Variants in ADAMTS20 observed in about 807,000 individuals in gnomAD.
The protein encoded by ADAMTS20 is A disintegrin and metalloproteinase with thrombospondin motifs 20.
Under a neutral mutation model 260.1 loss-of-function variants are expected in ADAMTS20, and 225 were observed. The ratio of observed to expected loss-of-function variants is 0.87; its 90% confidence interval spans 0.78 to 0.97. The LOEUF is 0.97. Ranked by LOEUF, ADAMTS20 falls within the 50% of genes least tolerant of loss-of-function variation. The pLI is 0.00. For missense variants in ADAMTS20, 2,400 were observed against 2,337.7 expected, an observed-to-expected ratio of 1.03 and a Z score of -0.55; for synonymous variants, 802 against 769.5, an observed-to-expected ratio of 1.04 and a Z score of -0.70.
Position 43,428,533 on chromosome 12 carries a change from T to A in ADAMTS20, c.3655-2A>T. The A allele has an allele frequency of 6.2e-7, 1 of 1,606,552 alleles. No individual in the cohort carries two copies. Among genetic ancestry groups the A allele is most frequent in the Non-Finnish European group, 8.5e-7 (1 of 1,175,800 alleles). On this transcript the variant is annotated splice_acceptor_variant, in intron 25 of 38. Transcript: ENST00000389420. LOFTEE classifies it high-confidence loss of function. ...TCCATGGCCACAGGAAGCTGAACAC[T>A]GATCAAAAATTTAGCCAATGGTAAT...
intron 3 of ADAMTS20, among the ~76,000 whole-genome samples, chr12:43,509,879 A>T (rs898633464): frequency 6.6e-6 from 1 of 152,180 alleles, no homozygotes; most frequent in African/African-American, 2.4e-5. Flanking sequence ...ATCATATAAA[A>T]TTGTTTTGGT....
At chr12:43,440,686 G>C (rs1941645888) in intron 16 of ADAMTS20, among the ~76,000 whole-genome samples, 1 of 152,182 alleles carries the variant, frequency 6.6e-6, no homozygotes, top group African/African-American at 2.4e-5. Flanking sequence ...GCAGAAAGAA[G>C]TCATGACCCC....
intron 11 of ADAMTS20, among the ~76,000 whole-genome samples, chr12:43,459,335 C>G (rs1340959611): frequency 6.6e-6 from 1 of 152,192 alleles, no homozygotes; most frequent in Non-Finnish European, 1.5e-5. Flanking sequence ...TGGGTTCATC[C>G]TAATCAGGCT....
intron 3 of ADAMTS20, among the ~76,000 whole-genome samples, chr12:43,524,476 A>G (rs553766585): frequency 6.6e-6 from 1 of 152,302 alleles, no homozygotes; most frequent in East Asian, 1.9e-4. Flanking sequence ...AAAAGAACAC[A>G]CTAACGGTCC....
chr12:43,466,882 A>G (rs1170957145), intron 8 of ADAMTS20, 87 bp from the exon 9 acceptor site: 24 of 935,504 alleles, frequency 2.6e-5, no homozygotes, highest in Non-Finnish European at 3.7e-5. Flanking sequence ...ATTATAATAC[A>G]ATATAAAATA....
chr12:43,441,408 C>T (rs1253790250), intron 16 of ADAMTS20, among the ~76,000 whole-genome samples: 1 of 151,488 alleles, frequency 6.6e-6, no homozygotes, highest in Non-Finnish European at 1.5e-5. Context: ...TACATGTCAC[C>T]CAAAATCATG....
chr12:43,483,325 G>A (rs1462503685), intron 7 of ADAMTS20, among the ~76,000 whole-genome samples: 3 of 152,282 alleles, frequency 2.0e-5, no homozygotes, highest in Non-Finnish European at 2.9e-5. Context: ...CACCCTGTGG[G>A]ACAAAAGAAA....
rs373760471 is a variant in ADAMTS20, at chr12:43,354,308, G to A, written c.5644-10C>T. The A allele has an allele frequency of 1.9e-5, 29 of 1,566,756 alleles. No individual in the cohort carries two copies. The highest frequency in any genetic ancestry group is 6.8e-5 in the African/African-American group (5 of 73,934). On this transcript the variant is annotated splice_polypyrimidine_tract_variant and intron_variant, in intron 38 of 38. Coordinates refer to ENST00000389420, the MANE Select transcript of ADAMTS20 (RefSeq NM_025003.5). ...AAAATCTAGTTCCATCCTGAAAATC[G>A]GAAGAAGAAATACAGAAGAATCTTA...
chr12:43,371,564 C>G (rs1940107486), intron 36 of ADAMTS20, among the ~76,000 whole-genome samples: 1 of 152,052 alleles, frequency 6.6e-6, no homozygotes, highest in African/African-American at 2.4e-5. Flanking sequence ...TCTGGATGGT[C>G]TTATTTAGAA....
intron 3 of ADAMTS20, among the ~76,000 whole-genome samples, chr12:43,518,817 GAAAAAAAAAAA>G (rs34834714): frequency 8.9e-6 from 1 of 111,996 alleles, no homozygotes; most frequent in African/African-American, 3.4e-5. Context: ...ACTGGCTCAG[GAAAAAAAAAAA>G]AAAAAAAAGA....
In ADAMTS20 at chr12:43,431,042, CA is replaced by C. The variant is rs536953536; in HGVS notation, c.3261+289del. Among the ~76,000 whole-genome samples, 53 of 152,238 alleles carry C rather than the reference CA, an allele frequency of 3.5e-4. 1 individual carries two copies. Among genetic ancestry groups the C allele is most frequent in the Admixed American group, 3.2e-3 (49 of 15,284 alleles). ...AACAATAAAGATATCAATGCAGACA[CA>C]GAGATGAAAATATTTATAATCTAAA... On this transcript the variant is annotated intron_variant, in intron 22 of 38. Coordinates refer to ENST00000389420, the MANE Select transcript of ADAMTS20 (RefSeq NM_025003.5).
intron 2 of ADAMTS20, among the ~76,000 whole-genome samples, chr12:43,547,020 T>C (rs898260394): frequency 2.6e-5 from 4 of 152,126 alleles, no homozygotes; most frequent in Non-Finnish European, 5.9e-5. Context: ...CTAGTTATGG[T>C]TCAGAGAAAA....
rs1243792119 is a variant in ADAMTS20, at chr12:43,439,883, G to A, written c.2463+14C>T. ...ATTAAATCCAAGTGTTATTACTGAT[G>A]ACTGAGAATTTACCTGCAAAATAAG... On this transcript the variant is annotated intron_variant, in intron 17 of 38. Coordinates refer to ENST00000389420, the MANE Select transcript of ADAMTS20 (RefSeq NM_025003.5). 1 of 1,599,164 alleles carries A rather than the reference G, an allele frequency of 6.3e-7. No homozygotes were observed. Among genetic ancestry groups the A allele is most frequent in the Non-Finnish European group, 8.5e-7 (1 of 1,171,820 alleles).
At chr12:43,430,247 C>A in intron 23 of ADAMTS20, 105 bp downstream of exon 23, 1 of 1,337,740 alleles carries the variant, frequency 7.5e-7, no homozygotes, top group African/African-American at 1.5e-5. Flanking sequence ...GTGTTTAAGG[C>A]ATACAAGTTT....
intron 3 of ADAMTS20, among the ~76,000 whole-genome samples, chr12:43,530,957 A>G (rs1371882947): frequency 6.6e-6 from 1 of 152,006 alleles, no homozygotes; most frequent in African/African-American, 2.4e-5. Context: ...TTTGTAAAAC[A>G]ATGTGGAATT....
At chr12:43,434,417 A>G in intron 18 of ADAMTS20, 46 bp from the exon 19 acceptor site, 1 of 1,526,126 alleles carries the variant, frequency 6.6e-7, no homozygotes, top group Non-Finnish European at 8.8e-7. Flanking sequence ...AAAAATTCAC[A>G]GTTAGATGTT....
chr12:43,404,241 CT>C (rs1467106897), intron 28 of ADAMTS20, among the ~76,000 whole-genome samples: 1 of 151,184 alleles, frequency 6.6e-6, no homozygotes, highest in African/African-American at 2.4e-5. Context: ...CCCAGAATCA[CT>C]CATTTTTAAT....
At chr12:43,496,285 CA>C (rs1437896195) in intron 4 of ADAMTS20, among the ~76,000 whole-genome samples, 1 of 152,154 alleles carries the variant, frequency 6.6e-6, no homozygotes, top group Non-Finnish European at 1.5e-5. Flanking sequence ...GTCCATTTTA[CA>C]GATAAGAACA....
intron 3 of ADAMTS20, among the ~76,000 whole-genome samples, chr12:43,510,811 G>A (rs1012240502): frequency 4.6e-5 from 7 of 151,996 alleles, no homozygotes; most frequent in African/African-American, 1.4e-4. Flanking sequence ...CAAGGAGGAT[G>A]TTAAAATAAT....
Sources: gnomAD v4.1 joint callset for allele counts (sites outside exome capture counted in the v4.1 genomes callset) on GRCh38, gnomAD v4.1.1 for gene constraint, MANE v1.5 for transcripts, NCBI Gene and HGNC (gene_info 2026-07-23, HGNC 2026-07-21) for gene names.